CCDC85C: variants seen among roughly 807,000 people sequenced by gnomAD.
CCDC85C encodes coiled-coil domain containing 85C.
In CCDC85C, 18 loss-of-function variants were observed where a neutral mutation model predicts 38.3. The observed-to-expected ratio is 0.47, with a 90% CI of 0.33 to 0.70. The LOEUF (loss-of-function observed/expected upper bound fraction) is 0.70, where lower values mean the gene tolerates loss of function less well. CCDC85C is among the 30% of genes least tolerant of loss of function. The pLI is 0.03. For missense variants in CCDC85C, 566 were observed against 621.2 expected (o/e 0.91, Z 0.94); for synonymous variants, 264 against 293.8 (o/e 0.90, Z 1.04).
intron 1 of CCDC85C, among the ~76,000 whole-genome samples, chr14:99,553,932 G>A (rs1037288371): frequency 1.4e-4 from 22 of 152,162 alleles, no homozygotes; most frequent in African/African-American, 5.1e-4. Flanking sequence ...GGGACAGAGG[G>A]TCCAGGGTCC....
chr14:99,570,633 T>C (rs1898318556), intron 1 of CCDC85C, among the ~76,000 whole-genome samples: 1 of 152,034 alleles, frequency 6.6e-6, no homozygotes, highest in Non-Finnish European at 1.5e-5. Flanking sequence ...AGACATAAAA[T>C]GCATTCCAGG....
intron 2 of CCDC85C, 140 bp from the exon 3 acceptor site, chr14:99,522,380 C>G (rs1048707852): frequency 1.7e-6 from 1 of 599,186 alleles, no homozygotes; most frequent in Non-Finnish European, 2.9e-6. Flanking sequence ...CTCCACACCG[C>G]TTATCCATCC....
Position 99,516,227 on chromosome 14 carries a change from C to G in CCDC85C, c.1131G>C (p.Leu377=). 1 of 1,551,346 alleles carries G rather than the reference C, an allele frequency of 6.4e-7. No individual in the cohort carries two copies. Among genetic ancestry groups the G allele is most frequent in the Non-Finnish European group, 8.7e-7 (1 of 1,146,956 alleles). ...RQLQDSCEED[L]SEKEKAIVRE... is the part of the protein sequence containing the mutation. ...GAACGATGGCCTTCTCCTTCTCACTCAGGTCCTCCTCACAGCTGTCCTGGA... is the reference window on the plus strand; with the variant it reads ...GAACGATGGCCTTCTCCTTCTCACTGAGGTCCTCCTCACAGCTGTCCTGGA... The change falls in exon 5 of 6, where the codon CTG becomes CTC. Residue 377 remains leucine, a synonymous_variant. Coordinates refer to ENST00000380243, the MANE Select transcript of CCDC85C (RefSeq NM_001144995.2). The surrounding 1 kb of genome is among the most constrained non-coding windows in gnomAD (Gnocchi z 5.5).
chr14:99,510,751 G>A lies in CCDC85C; in HGVS notation c.*4495C>T. ...CCCCCACCCGGCATGCCTCCAGTTG[G>A]GGGGCTGGGGCGGGCAGCCTGGATG... On this transcript the variant is annotated 3_prime_UTR_variant, in exon 6 of 6. Transcript: ENST00000380243. The A allele has an allele frequency of 1.4e-6, 2 of 1,456,694 alleles. No homozygotes were observed. The highest frequency in any genetic ancestry group is 1.8e-6 in the Non-Finnish European group (2 of 1,105,620). 90.2% of individuals were successfully genotyped at this position (1,456,694 alleles called of 1,614,324 possible). A position where few individuals can be genotyped will look rare whatever the true frequency, so the allele number is the denominator to read the frequency against.
chr14:99,594,849 G>A (rs1254620483), intron 1 of CCDC85C, among the ~76,000 whole-genome samples: 1 of 152,198 alleles, frequency 6.6e-6, no homozygotes, highest in Non-Finnish European at 1.5e-5. Flanking sequence ...AATCTTCCAA[G>A]ACCCCCAGGC....
At chr14:99,522,411 T>C (rs370052397) in intron 2 of CCDC85C, 171 bp from the exon 3 acceptor site, 7 of 553,762 alleles carry the variant, frequency 1.3e-5, no homozygotes, top group East Asian at 6.0e-5. Flanking sequence ...GATCAATCGA[T>C]CTTCACTCTC....
chr14:99,524,052 T>C (rs1884522), intron 2 of CCDC85C, among the ~76,000 whole-genome samples: 140,734 of 143,888 alleles, frequency 0.98, 68,869 homozygotes, highest in Middle Eastern at 1. Context: ...CCCATGCCTC[T>C]CTGGGTCACC....
intron 1 of CCDC85C, among the ~76,000 whole-genome samples, chr14:99,553,133 C>T (rs920120604): frequency 2.0e-5 from 3 of 152,172 alleles, no homozygotes; most frequent in East Asian, 1.9e-4. Flanking sequence ...AGTGACTGAC[C>T]GTCTCTGAGC....
chr14:99,590,505 C>A (rs947095909), intron 1 of CCDC85C, among the ~76,000 whole-genome samples: 1 of 152,186 alleles, frequency 6.6e-6, no homozygotes, highest in South Asian at 2.1e-4. Flanking sequence ...ACAGCAGAGA[C>A]CCCCTTGCCT....
chr14:99,562,859 G>C (rs950978975), intron 1 of CCDC85C, among the ~76,000 whole-genome samples: 10 of 149,976 alleles, frequency 6.7e-5, no homozygotes, highest in African/African-American at 2.5e-4. Flanking sequence ...ACCCTCATAT[G>C]CACACACACA....
In CCDC85C at chr14:99,599,847, C is replaced by T. The variant is rs573535235; in HGVS notation, c.793+3320G>A. Reference sequence around the variant, plus strand: ...CCATGATGGTGCCATTGCACTCTAGCCTGGGTGACCAGAGAGACCCTGTCT... The same window carrying T: ...CCATGATGGTGCCATTGCACTCTAGTCTGGGTGACCAGAGAGACCCTGTCT... On this transcript the variant is annotated intron_variant, in intron 1 of 5. Transcript: ENST00000380243. 6.6e-5 allele frequency among the ~76,000 whole-genome samples: 10 copies of T among 152,296 alleles called. No individual in the cohort carries two copies. The South Asian group carries it at 2.1e-3, about 32-fold the overall frequency.
At chr14:99,560,225 G>T (rs1357692407) in intron 1 of CCDC85C, among the ~76,000 whole-genome samples, 1 of 152,158 alleles carries the variant, frequency 6.6e-6, no homozygotes, top group East Asian at 1.9e-4. Context: ...CACACACGCA[G>T]CCCTCATGCC....
rs368902185 is a variant in CCDC85C at position 99,517,269 on chromosome 14, G to GGGGCCA, written c.976-92_976-87dup. ...GGCTCAGACAAGGCCCCCATTCTGA[G>GGGGCCA]GGGCCAGGGCCCAGGCAGGAGGAAA... On this transcript the variant is annotated intron_variant, in intron 3 of 5. Transcript: ENST00000380243. 6.0e-5 allele frequency: 64 copies of GGGGCCA among 1,072,642 alleles called. No individual in the cohort carries two copies. The African/African-American group carries it at 9.1e-4, about 15-fold the overall frequency. 66.4% of individuals were successfully genotyped at this position (1,072,642 alleles called of 1,614,324 possible).
chr14:99,577,300 A>C (rs1170928347), intron 1 of CCDC85C, among the ~76,000 whole-genome samples: 1 of 151,296 alleles, frequency 6.6e-6, no homozygotes, highest in Non-Finnish European at 1.5e-5. Context: ...GGAGTGTCCT[A>C]GAGCCCACTT....
At chr14:99,536,148 C>T in intron 1 of CCDC85C, 60 bp from the exon 2 acceptor site, 1 of 1,184,646 alleles carries the variant, frequency 8.4e-7, no homozygotes, top group Non-Finnish European at 1.2e-6. Flanking sequence ...CCCCATTGCG[C>T]AACCCCGACT....
chr14:99,580,587 G>A (rs1411584200), intron 1 of CCDC85C, among the ~76,000 whole-genome samples: 1 of 152,000 alleles, frequency 6.6e-6, no homozygotes, highest in Non-Finnish European at 1.5e-5. Flanking sequence ...ACTCATGGCC[G>A]GGCATGGTGG....
Position 99,548,956 on chromosome 14 carries a change from C to T in CCDC85C, c.794-12868G>A, listed in dbSNP as rs1465256715. On this transcript the variant is annotated intron_variant, in intron 1 of 5. Transcript: ENST00000380243. The surrounding 1 kb of genome is among the most constrained non-coding windows in gnomAD (Gnocchi z 4.9). ...CAAAGCATCCTCACATTGTTAGAGG[C>T]TTGCCAGGCAGGAGAAATTTTTAAA... Among the ~76,000 whole-genome samples the T allele has an allele frequency of 6.6e-6, 1 of 152,176 alleles. No homozygotes were observed. The highest frequency in any genetic ancestry group is 1.9e-4 in the East Asian group (1 of 5,192).
intron 1 of CCDC85C, among the ~76,000 whole-genome samples, chr14:99,589,658 T>C (rs767316070): frequency 3.3e-5 from 5 of 152,290 alleles, no homozygotes; most frequent in South Asian, 4.1e-4. Flanking sequence ...AAGGAGTCTG[T>C]AGATGCACTG....
chr14:99,530,296 A>G (rs1300156598), intron 2 of CCDC85C, among the ~76,000 whole-genome samples: 1 of 152,166 alleles, frequency 6.6e-6, no homozygotes, highest in Non-Finnish European at 1.5e-5. Flanking sequence ...AGGTTCAACT[A>G]AGGAAGCGTT....
Sources: allele counts gnomAD v4.1 joint callset (sites outside exome capture counted in the v4.1 genomes callset), GRCh38; gene constraint gnomAD v4.1.1; non-coding constraint Gnocchi (gnomAD v3.1); transcripts MANE v1.5; gene names NCBI Gene and HGNC (gene_info 2026-07-23, HGNC 2026-07-21).